MIPOL1: variants seen among roughly 807,000 people sequenced by gnomAD.
MIPOL1 encodes the protein mirror-image polydactyly 1, also known as mirror-image polydactyly gene 1 protein.
Under a neutral mutation model 60.9 loss-of-function variants are expected in MIPOL1, and 57 were observed. The observed-to-expected ratio is 0.94, with a 90% CI of 0.76 to 1.17. The LOEUF (loss-of-function observed/expected upper bound fraction) is 1.17. MIPOL1 is among the 50% of genes most tolerant of loss of function. The pLI, the probability that MIPOL1 is intolerant of heterozygous loss-of-function variation, is 0.00. For missense variants in MIPOL1, 551 were observed against 511.6 expected, an observed-to-expected ratio of 1.08 and a Z score of -0.74; for synonymous variants, 179 against 168.8, an observed-to-expected ratio of 1.06 and a Z score of -0.47.
intron 9 of MIPOL1, among the ~76,000 whole-genome samples, chr14:37,318,994 A>G (rs1182851486): frequency 2.0e-5 from 3 of 152,056 alleles, no homozygotes; most frequent in Admixed American, 6.6e-5. Flanking sequence ...ACACACTACC[A>G]TGCTAGTCTG....
intron 11 of MIPOL1, among the ~76,000 whole-genome samples, chr14:37,449,354 A>G (rs1050266675): frequency 1.3e-5 from 2 of 152,260 alleles, no homozygotes; most frequent in African/African-American, 4.8e-5. Context: ...ATTTATGAGT[A>G]TAAACATTGA....
intron 10 of MIPOL1, among the ~76,000 whole-genome samples, chr14:37,379,632 A>G (rs2092872934): frequency 6.6e-6 from 1 of 152,100 alleles, no homozygotes; most frequent in Non-Finnish European, 1.5e-5. Context: ...AAGTAACCCA[A>G]TTCAAAAATG....
chr14:37,385,015 TATTTC>T (rs1168306322), intron 10 of MIPOL1, among the ~76,000 whole-genome samples: 5 of 152,088 alleles, frequency 3.3e-5, no homozygotes, highest in Admixed American at 6.6e-5. Flanking sequence ...GAGAATTACA[TATTTC>T]AGTTAAAGCT....
rs550875775 is a variant in MIPOL1, at chr14:37,417,544, A to G, written c.937-5311A>G. Among the ~76,000 whole-genome samples, 4 of 152,264 alleles carry G rather than the reference A, an allele frequency of 2.6e-5. No homozygotes were observed. In the East Asian group the frequency reaches 7.7e-4, roughly 29 times the overall value. On this transcript the variant is annotated intron_variant, in intron 10 of 12. Transcript: ENST00000684589. Reference sequence around the variant, plus strand: ...GTTTAATTGAAACCTGGTCATTTTTATCCTTTTGAAAATAGCTTTTAACTT... The same window carrying G: ...GTTTAATTGAAACCTGGTCATTTTTGTCCTTTTGAAAATAGCTTTTAACTT...
chr14:37,369,410 C>A (rs985696829), intron 9 of MIPOL1, 107 bp from the exon 10 acceptor site: 111 of 479,304 alleles, frequency 2.3e-4, no homozygotes, highest in South Asian at 4.6e-4. Flanking sequence ...AAAAAAAAAA[C>A]CTTGTCTTTT....
chr14:37,520,484 A>G (rs1407000416), intron 12 of MIPOL1, among the ~76,000 whole-genome samples: 4 of 152,140 alleles, frequency 2.6e-5, no homozygotes, highest in Non-Finnish European at 5.9e-5. Context: ...AGCTTGCTGC[A>G]TTTCATTGGC....
intron 10 of MIPOL1, among the ~76,000 whole-genome samples, chr14:37,377,779 T>C (rs2092817556): frequency 6.7e-6 from 1 of 148,186 alleles, no homozygotes; most frequent in African/African-American, 2.5e-5. Context: ...GACAGGCTCT[T>C]TCTTTTTGCC....
chr14:37,511,427 A>G (rs142608282), intron 12 of MIPOL1, among the ~76,000 whole-genome samples: 7 of 152,326 alleles, frequency 4.6e-5, no homozygotes, highest in Non-Finnish European at 7.4e-5. Context: ...GGTAAAGGGA[A>G]CTAAAGAGCA....
At chr14:37,504,740 A>G (rs887865019) in intron 12 of MIPOL1, 25 of 152,222 alleles carry the variant, frequency 1.6e-4, no homozygotes, top group Admixed American at 3.3e-4. Context: ...GCACAAGGTA[A>G]GAAATAACTA....
chr14:37,493,770 T>C (rs930691121), intron 11 of MIPOL1, among the ~76,000 whole-genome samples: 1 of 152,226 alleles, frequency 6.6e-6, no homozygotes, highest in African/African-American at 2.4e-5. Flanking sequence ...CAGAAATAGT[T>C]AACATCCTAT....
rs998968614 is a variant in MIPOL1, at chr14:37,270,375, A to G, written c.388-45A>G. The G allele has an allele frequency of 4.9e-6, 5 of 1,010,820 alleles. No homozygotes were observed. The African/African-American group carries it at 6.7e-5, about 14-fold the overall frequency. The allele number at this position is 1,010,820 out of a possible 1,614,324, so 62.6% of individuals were successfully genotyped here. A position where few individuals can be genotyped will look rare whatever the true frequency, so the allele number is the denominator to read the frequency against. On this transcript the variant is annotated intron_variant, in intron 5 of 12. Transcript: ENST00000684589. ...TTGAAATTAATTATATTTTTGCAAGACATTTGTCAAATAAGAATCCATGAT... is the reference window on the plus strand; with the variant it reads ...TTGAAATTAATTATATTTTTGCAAGGCATTTGTCAAATAAGAATCCATGAT...
At chr14:37,446,926 G>A (rs2094345266) in intron 11 of MIPOL1, among the ~76,000 whole-genome samples, 1 of 151,856 alleles carries the variant, frequency 6.6e-6, no homozygotes, top group African/African-American at 2.4e-5. Context: ...GACTGTTGTG[G>A]GGTGGGGGGA....
intron 11 of MIPOL1, among the ~76,000 whole-genome samples, chr14:37,488,574 A>G (rs1196131538): frequency 6.6e-6 from 1 of 151,798 alleles, no homozygotes; most frequent in Non-Finnish European, 1.5e-5. Context: ...CCATTGTATC[A>G]TGCCCTTCTT....
intron 10 of MIPOL1, among the ~76,000 whole-genome samples, chr14:37,412,511 AC>A (rs1377273958): frequency 6.6e-6 from 1 of 152,152 alleles, no homozygotes; most frequent in African/African-American, 2.4e-5. Context: ...GGAACAAGAA[AC>A]AACATGGGTG....
chr14:37,265,365 T>G (rs974631621), intron 3 of MIPOL1: 4 of 152,198 alleles, frequency 2.6e-5, no homozygotes, highest in Admixed American at 2.6e-4. Context: ...ATTCAGATCA[T>G]TAGATGAGTT....
At chr14:37,269,516 G>C (rs921798841) in intron 5 of MIPOL1, among the ~76,000 whole-genome samples, 8 of 151,924 alleles carry the variant, frequency 5.3e-5, no homozygotes, top group African/African-American at 1.9e-4. Context: ...AAAACCTAGG[G>C]AGGAATTAAA....
chr14:37,197,946 G>A lies in MIPOL1; in HGVS notation c.-357G>A, dbSNP rs996283378. The A allele has an allele frequency of 6.6e-6, 1 of 152,068 alleles. No homozygotes were observed. Among genetic ancestry groups the A allele is most frequent in the Non-Finnish European group, 1.5e-5 (1 of 68,068 alleles). 9.4% of individuals were successfully genotyped at this position (152,068 alleles called of 1,614,324 possible). On this transcript the variant is annotated 5_prime_UTR_variant, in exon 1 of 13. Coordinates refer to ENST00000684589, the MANE Select transcript of MIPOL1 (RefSeq NM_001388067.1). ...CGCGCCGCCGCCCCGTAGGCCCCACGCGCCGCCCCGCTCCTCCGCCGGATC... is the reference window on the plus strand; with the variant it reads ...CGCGCCGCCGCCCCGTAGGCCCCACACGCCGCCCCGCTCCTCCGCCGGATC...
intron 9 of MIPOL1, among the ~76,000 whole-genome samples, chr14:37,313,639 C>T (rs2087582696): frequency 6.6e-6 from 1 of 152,054 alleles, no homozygotes; most frequent in African/African-American, 2.4e-5. Context: ...TAGAGTACAG[C>T]AGGTATAAAG....
At chr14:37,261,626 G>C (rs1001802053) in intron 3 of MIPOL1, among the ~76,000 whole-genome samples, 6 of 152,034 alleles carry the variant, frequency 3.9e-5, no homozygotes, top group African/African-American at 1.4e-4. Context: ...CTCACAGAAA[G>C]GTGAGAGAAA....
Sources: allele counts gnomAD v4.1 joint callset (sites outside exome capture counted in the v4.1 genomes callset), GRCh38; gene constraint gnomAD v4.1.1; transcripts MANE v1.5; gene names NCBI Gene and HGNC (gene_info 2026-07-23, HGNC 2026-07-21).